Variants in CSMD1 observed in about 807,000 individuals in gnomAD.
The protein encoded by CSMD1 is CUB and Sushi multiple domains 1.
A neutral mutation model predicts 417.5 loss-of-function variants in CSMD1; 213 were observed. The ratio of observed to expected loss-of-function variants is 0.51; its 90% CI spans 0.46 to 0.57. The LOEUF (loss-of-function observed/expected upper bound fraction) is 0.57, where lower values mean the gene tolerates loss of function less well. CSMD1 is among the 20% of genes least tolerant of loss of function. The probability of loss-of-function intolerance (pLI) is 0.00; values close to 1 mark genes in which losing one functional copy is unlikely to be tolerated. For synonymous variants in CSMD1, 2,862 were observed against 1,736.8 expected, an observed-to-expected ratio of 1.65 and a Z score of -16.11; for missense variants, 6,923 against 4,529.7, an observed-to-expected ratio of 1.53 and a Z score of -15.17.
intron 3 of CSMD1, among the ~76,000 whole-genome samples, chr8:4,243,961 G>A (rs1332741635): frequency 2.0e-5 from 3 of 152,164 alleles, no homozygotes; most frequent in African/African-American, 7.2e-5. Flanking sequence ...ATCAGTAGCA[G>A]GTGGGAACGG....
intron 4 of CSMD1, among the ~76,000 whole-genome samples, chr8:4,003,415 C>CAAATAAAT (rs1444043117): frequency 1.5e-5 from 2 of 134,084 alleles, no homozygotes; most frequent in Middle Eastern, 7.5e-3. Context: ...AACAAAAAAA[C>CAAATAAAT]AAACAAATAA....
At position 4,747,671 on chromosome 8, in the gene CSMD1, G is replaced by A. The variant is rs74341496; in HGVS notation, c.86-110113C>T. On this transcript the variant is annotated intron_variant, in intron 1 of 69. Coordinates refer to ENST00000635120, the MANE Select transcript of CSMD1 (RefSeq NM_033225.6). ...TTATACTCAGTTGTTGATTTTGCAT[G>A]CCTTGTGGCACAAGGCTTTTCCACC... Among the ~76,000 whole-genome samples the A allele has an allele frequency of 1.3e-3, 198 of 152,166 alleles. 2 individuals carry two copies. The East Asian group carries it at 0.037, about 28-fold the overall frequency.
chr8:3,704,369 A>G (rs1013814313), intron 7 of CSMD1, among the ~76,000 whole-genome samples: 2 of 152,198 alleles, frequency 1.3e-5, no homozygotes, highest in African/African-American at 4.8e-5. Flanking sequence ...TGGGCTCCAT[A>G]GGAACTCACA....
chr8:3,638,740 C>A (rs919119751), intron 7 of CSMD1, among the ~76,000 whole-genome samples: 1 of 152,136 alleles, frequency 6.6e-6, no homozygotes, highest in African/African-American at 2.4e-5. Context: ...TAGCTGTGAA[C>A]TCAAAGGACC....
At chr8:3,343,967 T>C (rs1807824554) in intron 22 of CSMD1, among the ~76,000 whole-genome samples, 1 of 152,174 alleles carries the variant, frequency 6.6e-6, no homozygotes, top group Admixed American at 6.5e-5. Flanking sequence ...CTCCGGTGGC[T>C]TTCATCTTGA....
chr8:4,445,580 G>A (rs1000842942), intron 2 of CSMD1, among the ~76,000 whole-genome samples: 2 of 152,130 alleles, frequency 1.3e-5, no homozygotes, highest in Non-Finnish European at 2.9e-5. Context: ...GAAATAATAC[G>A]CTGGTGTTTA....
chr8:4,833,139 G>T (rs570077896), intron 1 of CSMD1, among the ~76,000 whole-genome samples: 1 of 152,144 alleles, frequency 6.6e-6, no homozygotes, highest in Non-Finnish European at 1.5e-5. Flanking sequence ...GAGTAAAATT[G>T]ATATCCACTG....
chr8:4,122,924 C>G (rs1410154045), intron 3 of CSMD1, among the ~76,000 whole-genome samples: 1 of 152,160 alleles, frequency 6.6e-6, no homozygotes, highest in African/African-American at 2.4e-5. Context: ...GACACAAATC[C>G]ACGTTAAATT....
At chr8:3,993,002 C>A (rs1486198872) in intron 5 of CSMD1, among the ~76,000 whole-genome samples, 2 of 152,214 alleles carry the variant, frequency 1.3e-5, no homozygotes, top group Non-Finnish European at 2.9e-5. Flanking sequence ...GCCAAGGAGG[C>A]AAAACCAAAT....
chr8:3,877,037 A>G (rs1805869955), intron 5 of CSMD1, among the ~76,000 whole-genome samples: 2 of 152,222 alleles, frequency 1.3e-5, no homozygotes, highest in Admixed American at 6.5e-5. Context: ...CATTTCGTAT[A>G]GTGTTTTTTT....
chr8:3,156,248 C>T (rs1456059376), intron 39 of CSMD1, among the ~76,000 whole-genome samples: 1 of 152,168 alleles, frequency 6.6e-6, no homozygotes, highest in Non-Finnish European at 1.5e-5. Flanking sequence ...TAAATGGGTT[C>T]TGAGCACACC....
At chr8:3,947,430 C>T (rs978839039) in intron 5 of CSMD1, among the ~76,000 whole-genome samples, 2 of 152,136 alleles carry the variant, frequency 1.3e-5, no homozygotes, top group Non-Finnish European at 2.9e-5. Context: ...TCTTATTTCA[C>T]AACATTTTTA....
chr8:3,568,460 A>C (rs2116905892), intron 10 of CSMD1, among the ~76,000 whole-genome samples: 1 of 152,340 alleles, frequency 6.6e-6, no homozygotes, highest in East Asian at 1.9e-4. Flanking sequence ...AAGATGTACT[A>C]ACGTTTTGAG....
At chr8:4,744,230 G>T (rs959456755) in intron 1 of CSMD1, among the ~76,000 whole-genome samples, 2 of 152,176 alleles carry the variant, frequency 1.3e-5, no homozygotes, top group Non-Finnish European at 2.9e-5. Flanking sequence ...GGGGGCACAG[G>T]CAAGTCCCCA....
At chr8:3,617,073 T>A (rs1046656145) in intron 7 of CSMD1, among the ~76,000 whole-genome samples, 1 of 152,186 alleles carries the variant, frequency 6.6e-6, no homozygotes, top group Non-Finnish European at 1.5e-5. Context: ...ATTTGGTCCT[T>A]ATGATTACTT....
intron 3 of CSMD1, among the ~76,000 whole-genome samples, chr8:4,356,247 T>C (rs1361596515): frequency 6.6e-6 from 1 of 152,138 alleles, no homozygotes; most frequent in East Asian, 1.9e-4. Context: ...AGAACAATTG[T>C]CTCCAATCTC....
chr8:4,742,124 G>C (rs897714859), intron 1 of CSMD1, among the ~76,000 whole-genome samples: 1 of 140,268 alleles, frequency 7.1e-6, no homozygotes, highest in Non-Finnish European at 1.5e-5. Context: ...TCCGCTTCCC[G>C]GGTTCACGCC....
intron 5 of CSMD1, among the ~76,000 whole-genome samples, chr8:3,838,032 A>T (rs1031033409): frequency 6.6e-6 from 1 of 152,120 alleles, no homozygotes; most frequent in African/African-American, 2.4e-5. Context: ...ATAAATAAAT[A>T]TGTATGTATT....
chr8:3,304,626 G>C (rs1275841226), intron 25 of CSMD1, among the ~76,000 whole-genome samples: 1 of 152,106 alleles, frequency 6.6e-6, no homozygotes, highest in Non-Finnish European at 1.5e-5. Flanking sequence ...AAATTTGATA[G>C]TGTGTACCTC....
Sources: allele counts gnomAD v4.1 joint callset (sites outside exome capture counted in the v4.1 genomes callset), GRCh38; gene constraint gnomAD v4.1.1; transcripts MANE v1.5; gene names NCBI Gene and HGNC (gene_info 2026-07-23, HGNC 2026-07-21).